SPATA7: variants seen among roughly 807,000 people sequenced by gnomAD.
SPATA7 encodes spermatogenesis-associated protein 7.
In SPATA7, 43 loss-of-function variants were observed where a neutral mutation model predicts 51.8. That is an observed-to-expected ratio of 0.83 (90% CI 0.65 to 1.07). The LOEUF (loss-of-function observed/expected upper bound fraction) is 1.07. SPATA7 is among the 50% of genes least tolerant of loss of function. SPATA7 has a pLI of 0.00. For missense variants in SPATA7, 683 were observed against 701.3 expected (o/e 0.97, Z 0.30); for synonymous variants, 230 against 252.8 (o/e 0.91, Z 0.86).
rs761895397 is a variant in SPATA7, at chr14:88,433,189, GA to G, written c.1140del (p.Lys380AsnfsTer10). The G allele has an allele frequency of 6.2e-7, 1 of 1,610,730 alleles. No homozygotes were observed. Among genetic ancestry groups the G allele is most frequent in the Non-Finnish European group, 8.5e-7 (1 of 1,178,934 alleles). On this transcript the variant is annotated frameshift_variant, in exon 10 of 12. Transcript: ENST00000393545. LOFTEE classifies it high-confidence loss of function. ...TTGAAGATGTAACAGATGAAATTTT[GA>G]AACTTGGTTTATTTTCAAACAGGTT... ...FIEDVTDEIL[K>X]LGLFSNRFLE...
At chr14:88,398,898 A>G (rs1358797907) in intron 4 of SPATA7, among the ~76,000 whole-genome samples, 1 of 151,918 alleles carries the variant, frequency 6.6e-6, no homozygotes, top group Non-Finnish European at 1.5e-5. Context: ...TAAAAGTACA[A>G]AAAATTAGCT....
chr14:88,429,568 A>G (rs559509068), intron 8 of SPATA7, 105 bp downstream of exon 8: 8 of 700,450 alleles, frequency 1.1e-5, no homozygotes, highest in South Asian at 5.8e-5. Context: ...GCATGCTCCA[A>G]TCTATTTTGG....
At chr14:88,417,115 A>G (rs181669673) in intron 5 of SPATA7, among the ~76,000 whole-genome samples, 4 of 152,308 alleles carry the variant, frequency 2.6e-5, no homozygotes, top group African/African-American at 7.2e-5. Flanking sequence ...CCTGAAGGTT[A>G]TAGTTTGCAG....
intron 3 of SPATA7, among the ~76,000 whole-genome samples, chr14:88,395,199 T>C (rs1178767131): frequency 1.3e-5 from 2 of 152,110 alleles, no homozygotes; most frequent in African/African-American, 4.8e-5. Context: ...AACCGTGGTA[T>C]AGTTATCAAA....
intron 3 of SPATA7, among the ~76,000 whole-genome samples, chr14:88,450,311 A>ATG (rs1303866813): frequency 6.6e-6 from 1 of 151,992 alleles, no homozygotes; most frequent in Non-Finnish European, 1.5e-5. Flanking sequence ...TAGTATTGAG[A>ATG]TGTGAGGTAC....
intron 4 of SPATA7, chr14:88,468,879 C>T: frequency 6.2e-7 from 1 of 1,613,432 alleles, no homozygotes; most frequent in Non-Finnish European, 8.5e-7. Flanking sequence ...AGCCTCATTT[C>T]CACCCAAAAA....
chr14:88,421,255 A>T (rs572319850), intron 5 of SPATA7, among the ~76,000 whole-genome samples: 4 of 152,276 alleles, frequency 2.6e-5, no homozygotes, highest in African/African-American at 9.6e-5. Context: ...AGGGTTCAGG[A>T]TGGGGAAGTT....
In SPATA7 at chr14:88,437,527, T is replaced by C. The variant is rs754437835; in HGVS notation, c.1161-16T>C. The C allele has an allele frequency of 7.6e-6, 12 of 1,587,238 alleles. No homozygotes were observed. In the Admixed American group the frequency reaches 8.4e-5, roughly 11 times the overall value. On this transcript the variant is annotated splice_polypyrimidine_tract_variant and intron_variant, in intron 10 of 11. Coordinates refer to ENST00000393545, the MANE Select transcript of SPATA7 (RefSeq NM_018418.5). The stretch of plus-strand genomic sequence containing the variant: ...TCTGATTTTGAGACATTAACATTTT[T>C]GTTTATCATTTGTAGGTTTTTAGAA...
intron 4 of SPATA7, among the ~76,000 whole-genome samples, chr14:88,410,162 G>A (rs2076301185): frequency 6.6e-6 from 1 of 152,098 alleles, no homozygotes; most frequent in Non-Finnish European, 1.5e-5. Context: ...TTTCTGTCTT[G>A]TTGATCTCTT....
At chr14:88,456,655 T>G (rs2140055892), downstream of SPATA7, among the ~76,000 whole-genome samples, 1 of 152,260 alleles carries the variant, frequency 6.6e-6, no homozygotes, top group Admixed American at 6.5e-5. Flanking sequence ...TTGCAAAAAT[T>G]TTCTCCCATT....
At position 88,469,691 on chromosome 14, in the gene SPATA7, C is replaced by A; in HGVS notation, c.255-156C>A. On this transcript the variant is annotated intron_variant, in intron 4 of 4. Transcript: ENST00000556406. This position sits in a 1 kb window ranked among gnomAD's most constrained non-coding sequence, Gnocchi z 4.3. ...TAGGTGACAGTGTTGTGCCTGGAAC[C>A]AAGTCGTGGCCAGTACCTAAAGCTC... 1.2e-6 allele frequency: 2 copies of A among 1,614,174 alleles called. No homozygotes were observed. The highest frequency in any genetic ancestry group is 1.7e-6 in the Non-Finnish European group (2 of 1,180,026).
rs3179969 is a variant in SPATA7 at position 88,396,185 on chromosome 14, G to A, written c.220G>A (p.Val74Met). Residue 74 changes from valine (V) to methionine (M), a missense_variant, in exon 4 of 12, where the codon GTG (valine) becomes ATG (methionine). Val to Met is a conservative substitution (Grantham distance 21). Transcript: ENST00000393545. ...AGTAGACTGCTCGGTTCCAGTAAGC[G>A]TGAGTACCAGCATAAAGTGTAAGTA... ...AAVDCSVPVS[V>M]STSIKYADQQ... 0.34 allele frequency: 551,011 copies of A among 1,604,060 alleles called. 98,114 individuals carry two copies. The highest frequency in any genetic ancestry group is 0.54 in the African/African-American group (40,523 of 74,518).
At chr14:88,437,507 T>C (rs1490017331) in intron 10 of SPATA7, 36 bp from the exon 11 acceptor site, 2 of 1,481,486 alleles carry the variant, frequency 1.3e-6, no homozygotes, top group Admixed American at 1.7e-5. Flanking sequence ...GATTTTCTGA[T>C]TTTGAGACAT....
At chr14:88,399,051 CAAAAAAAAAAAA>C (rs962205139) in intron 4 of SPATA7, among the ~76,000 whole-genome samples, 8 of 63,278 alleles carry the variant, frequency 1.3e-4, no homozygotes, top group African/African-American at 4.5e-4. Flanking sequence ...GACTCCGTCT[CAAAAAAAAAAAA>C]AAAGAAAAAA....
chr14:88,458,217 G>A (rs2077296952), downstream of SPATA7, among the ~76,000 whole-genome samples: 1 of 152,100 alleles, frequency 6.6e-6, no homozygotes, highest in Non-Finnish European at 1.5e-5. Flanking sequence ...GTCAGGCTTT[G>A]GTATCAGGAT....
In SPATA7 at chr14:88,385,684, G is replaced by C. The variant is rs1053291960; in HGVS notation, c.-135G>C. On this transcript the variant is annotated 5_prime_UTR_variant, in exon 1 of 12. Transcript: ENST00000393545. Reference sequence around the variant, plus strand: ...TGGACCCAGCCCTTAGCAACGGCCTGGCAACGGTTTCCCTGCTGCTGCAGC... The same window carrying C: ...TGGACCCAGCCCTTAGCAACGGCCTCGCAACGGTTTCCCTGCTGCTGCAGC... The C allele has an allele frequency of 1.0e-5, 9 of 857,760 alleles. No homozygotes were observed. In the African/African-American group the frequency reaches 1.5e-4, roughly 14 times the overall value. 53.1% of individuals were successfully genotyped at this position (857,760 alleles called of 1,614,324 possible). A position where few individuals can be genotyped will look rare whatever the true frequency, so the allele number is the denominator to read the frequency against.
intron 5 of SPATA7, among the ~76,000 whole-genome samples, chr14:88,422,187 A>G (rs529739048): frequency 6.6e-6 from 1 of 152,266 alleles, no homozygotes; most frequent in Admixed American, 6.5e-5. Context: ...AACATCTAGT[A>G]TATTTAGTAG....
intron 9 of SPATA7, chr14:88,432,775 A>G (rs2076974886): frequency 5.4e-6 from 1 of 185,654 alleles, no homozygotes; most frequent in African/African-American, 2.4e-5. Context: ...GTCAGGAGCA[A>G]GAGGAAATTT....
chr14:88,453,583 G>T (rs1412684102), intron 3 of SPATA7, among the ~76,000 whole-genome samples: 1 of 151,238 alleles, frequency 6.6e-6, no homozygotes, highest in Admixed American at 6.6e-5. Flanking sequence ...GAAGGGCCTT[G>T]GTTTTAAAGA....
Sources: allele counts gnomAD v4.1 joint callset (sites outside exome capture counted in the v4.1 genomes callset), GRCh38; gene constraint gnomAD v4.1.1; non-coding constraint Gnocchi (gnomAD v3.1); transcripts MANE v1.5; gene names NCBI Gene and HGNC (gene_info 2026-07-23, HGNC 2026-07-21).